The following CSMD1 variants were observed in gnomAD, a reference collection of about 807,000 sequenced individuals.
CSMD1 encodes the protein CUB and sushi domain-containing protein 1.
CSMD1 carries 213 observed loss-of-function variants against 417.5 expected under a neutral mutation model. The observed-to-expected ratio is 0.51, with a 90% CI of 0.46 to 0.57. CSMD1 has a LOEUF of 0.57. Ranked by LOEUF, CSMD1 falls within the 20% of genes least tolerant of loss-of-function variation. The pLI is 0.00. For synonymous variants in CSMD1, 2,862 were observed against 1,736.8 expected (o/e 1.65, Z -16.11); for missense variants, 6,923 against 4,529.7 (o/e 1.53, Z -15.17).
At chr8:3,909,140 G>A (rs1442649607) in intron 5 of CSMD1, among the ~76,000 whole-genome samples, 1 of 152,194 alleles carries the variant, frequency 6.6e-6, no homozygotes, top group Non-Finnish European at 1.5e-5. Flanking sequence ...GGCTTGAAGT[G>A]GATCGTGATT....
rs117082508 is a variant in CSMD1 at position 4,171,971 on chromosome 8, G to C, written c.416-139872C>G. ...TCTTTCTTGCATAATGTAATAATCA[G>C]CATCCTTCATTTGAATATCACGGTT... On this transcript the variant is annotated intron_variant, in intron 3 of 69. Transcript: ENST00000635120. Among the ~76,000 whole-genome samples the C allele has an allele frequency of 1.8e-4, 27 of 152,142 alleles. No homozygotes were observed. The East Asian group carries it at 4.8e-3, about 27-fold the overall frequency.
At chr8:4,843,861 G>T (rs944391787) in intron 1 of CSMD1, among the ~76,000 whole-genome samples, 1 of 152,142 alleles carries the variant, frequency 6.6e-6, no homozygotes, top group African/African-American at 2.4e-5. Context: ...GGAGTCAACC[G>T]CAATTTAACA....
intron 26 of CSMD1, among the ~76,000 whole-genome samples, chr8:3,244,085 A>T (rs1202810279): frequency 6.6e-6 from 1 of 152,200 alleles, no homozygotes; most frequent in Non-Finnish European, 1.5e-5. Context: ...AAGCAGTCGC[A>T]TCTAGTACAC....
chr8:4,291,131 T>G (rs1052493678), intron 3 of CSMD1, among the ~76,000 whole-genome samples: 1 of 151,994 alleles, frequency 6.6e-6, no homozygotes, highest in Non-Finnish European at 1.5e-5. Flanking sequence ...GACAGGAATC[T>G]GAGTCTTAAT....
rs186435008 is a variant in CSMD1, at chr8:3,460,985, C to T, written c.1561+7727G>A. Among the ~76,000 whole-genome samples, 522 of 152,290 alleles carry T rather than the reference C, an allele frequency of 3.4e-3. 5 individuals carry two copies. The highest frequency in any genetic ancestry group is 0.012 in the African/African-American group (506 of 41,554). On this transcript the variant is annotated intron_variant, in intron 12 of 69. Coordinates refer to ENST00000635120, the MANE Select transcript of CSMD1 (RefSeq NM_033225.6). ...CAGTAACAATAAGTTTGTTCTTTAG[C>T]ATATTAAATGGAATGGCAGTCCTCA...
intron 50 of CSMD1, among the ~76,000 whole-genome samples, chr8:3,032,437 C>G (rs73657537): frequency 2.6e-5 from 4 of 151,944 alleles, no homozygotes; most frequent in African/African-American, 4.8e-5. Flanking sequence ...ACAGCCCCCA[C>G]GGAATGGTGG....
At position 4,622,447 on chromosome 8, in the gene CSMD1, C is replaced by T. The variant is rs185549803; in HGVS notation, c.302+14895G>A. On this transcript the variant is annotated intron_variant, in intron 2 of 69. Coordinates refer to ENST00000635120, the MANE Select transcript of CSMD1 (RefSeq NM_033225.6). ...AGCAAAACTATGGAGATGATTGTCA[C>T]TGGATACCCTGCACAATGCTGACTG... 2.0e-5 allele frequency among the ~76,000 whole-genome samples: 3 copies of T among 152,194 alleles called. No homozygotes were observed. In the East Asian group the frequency reaches 5.8e-4, roughly 29 times the overall value.
intron 2 of CSMD1, among the ~76,000 whole-genome samples, chr8:4,483,852 G>A (rs1271090629): frequency 6.6e-6 from 1 of 152,134 alleles, no homozygotes; most frequent in African/African-American, 2.4e-5. Context: ...ATATTTCTGG[G>A]TGTTTCACAA....
chr8:4,211,248 G>C (rs1025633863), intron 3 of CSMD1, among the ~76,000 whole-genome samples: 1 of 151,922 alleles, frequency 6.6e-6, no homozygotes, highest in Non-Finnish European at 1.5e-5. Context: ...CAGATAGGGG[G>C]AAAAGAAACT....
At chr8:3,373,329 C>T (rs1287390965) in intron 18 of CSMD1, 1 of 152,204 alleles carries the variant, frequency 6.6e-6, no homozygotes, top group African/African-American at 2.4e-5. Context: ...CTGACCAGCC[C>T]CGTCATGCTG....
chr8:4,300,292 G>C (rs1365056118), intron 3 of CSMD1, among the ~76,000 whole-genome samples: 1 of 152,210 alleles, frequency 6.6e-6, no homozygotes, highest in Admixed American at 6.5e-5. Context: ...CTTGGGCACA[G>C]ATGGGGAAAT....
At chr8:3,868,705 A>G (rs1174370607) in intron 5 of CSMD1, among the ~76,000 whole-genome samples, 1 of 152,126 alleles carries the variant, frequency 6.6e-6, no homozygotes, top group African/African-American at 2.4e-5. Context: ...TATCCTTCCT[A>G]AAAGCCTTGG....
intron 16 of CSMD1, among the ~76,000 whole-genome samples, chr8:3,398,017 A>G (rs908915510): frequency 1.1e-4 from 17 of 152,232 alleles, no homozygotes; most frequent in African/African-American, 4.1e-4. Context: ...AATATCGGGT[A>G]TTTCCAAATG....
intron 2 of CSMD1, among the ~76,000 whole-genome samples, chr8:4,630,265 TACACACACACACACACACACACACAC>T (rs57214957): frequency 2.0e-5 from 3 of 148,936 alleles, no homozygotes; most frequent in African/African-American, 5.0e-5. Context: ...ACACAGCAAA[TACACACACACACACACACACACACAC>T]ACACACACAC....
intron 1 of CSMD1, among the ~76,000 whole-genome samples, chr8:4,725,538 T>C (rs574187108): frequency 9.2e-5 from 14 of 152,186 alleles, no homozygotes; most frequent in Non-Finnish European, 2.1e-4. Context: ...GCGAACTCCA[T>C]TCCAGGATAT....
intron 1 of CSMD1, among the ~76,000 whole-genome samples, chr8:4,820,114 T>C (rs2117380963): frequency 6.6e-6 from 1 of 152,252 alleles, no homozygotes; most frequent in Admixed American, 6.5e-5. Flanking sequence ...AAATCTGAGC[T>C]GGGACAGAGG....
Position 3,108,689 on chromosome 8 carries a change from T to C in CSMD1, c.6668A>G (p.Glu2223Gly). 1 of 1,613,730 alleles carries C rather than the reference T, an allele frequency of 6.2e-7. No individual in the cohort carries two copies. Among genetic ancestry groups the C allele is most frequent in the South Asian group, 1.1e-5 (1 of 90,972 alleles). ...TTGGTTGGTGGAGCTATACGCCGTT[T>C]CGAGGGCTGTGTTGCCACTGAAAAC... ...LGVFSGNTALETAYSSTNQVL... is the reference protein window; with the variant it reads ...LGVFSGNTALGTAYSSTNQVL... The change falls in exon 44 of 70, where the codon GAA (glutamate) becomes GGA (glycine). Residue 2223 changes from glutamate (E) to glycine (G), a missense_variant. Transcript: ENST00000635120.
intron 12 of CSMD1, among the ~76,000 whole-genome samples, chr8:3,418,086 C>T (rs890760813): frequency 1.3e-5 from 2 of 152,156 alleles, no homozygotes; most frequent in African/African-American, 4.8e-5. Context: ...CGGTTGTGTA[C>T]ATGAAATACC....
At chr8:4,489,339 A>G (rs1801581149) in intron 2 of CSMD1, among the ~76,000 whole-genome samples, 1 of 152,190 alleles carries the variant, frequency 6.6e-6, no homozygotes, top group Non-Finnish European at 1.5e-5. Context: ...TTATTTGAGT[A>G]TTTTGCTGTT....
Sources: allele counts gnomAD v4.1 joint callset (sites outside exome capture counted in the v4.1 genomes callset), GRCh38; gene constraint gnomAD v4.1.1; transcripts MANE v1.5; gene names NCBI Gene and HGNC (gene_info 2026-07-23, HGNC 2026-07-21).